The following FGF14 variants were observed in gnomAD, a reference collection of about 807,000 sequenced individuals.
FGF14 encodes the protein fibroblast growth factor 14.
Under a neutral mutation model 25.5 loss-of-function variants are expected in FGF14, and 5 were observed. That is an observed-to-expected ratio of 0.20 (90% CI 0.10 to 0.41). FGF14 has a LOEUF of 0.41. FGF14 is among the 10% of genes least tolerant of loss of function. The pLI, the probability that FGF14 is intolerant of heterozygous loss-of-function variation, is 1.00. For missense variants in FGF14, 222 were observed against 320.1 expected, an observed-to-expected ratio of 0.69 and a Z score of 2.34; for synonymous variants, 138 against 118.3, an observed-to-expected ratio of 1.17 and a Z score of -1.08.
At chr13:102,028,975 G>C (rs928856382) in intron 1 of FGF14, among the ~76,000 whole-genome samples, 1 of 151,984 alleles carries the variant, frequency 6.6e-6, no homozygotes, top group Non-Finnish European at 1.5e-5. Context: ...TAAAAATGAG[G>C]CTCAGCAGAA....
chr13:102,067,769 C>G lies in FGF14; in HGVS notation c.209-192473G>C, dbSNP rs545640855. 2.6e-5 allele frequency among the ~76,000 whole-genome samples: 4 copies of G among 151,878 alleles called. No homozygotes were observed. In the South Asian group the frequency reaches 8.3e-4, roughly 32 times the overall value. The stretch of plus-strand genomic sequence containing the variant: ...AAAAGGATAGTTACAGAGAACATCT[C>G]AAACCTAGAAAAAGTTATCAATACT... On this transcript the variant is annotated intron_variant, in intron 1 of 4. Transcript: ENST00000376131.
At chr13:101,984,183 T>G (rs1474487707) in intron 1 of FGF14, among the ~76,000 whole-genome samples, 1 of 152,166 alleles carries the variant, frequency 6.6e-6, no homozygotes, top group Non-Finnish European at 1.5e-5. Flanking sequence ...TATATTGATA[T>G]ATTGACGTCA....
intron 3 of FGF14, among the ~76,000 whole-genome samples, chr13:101,847,983 A>C (rs1367879508): frequency 4.6e-5 from 7 of 152,074 alleles, no homozygotes; most frequent in Non-Finnish European, 8.8e-5. Flanking sequence ...ATGTGGTAGG[A>C]AAGCAGGTCT....
At chr13:102,024,952 T>C (rs745806652) in intron 1 of FGF14, among the ~76,000 whole-genome samples, 27 of 151,546 alleles carry the variant, frequency 1.8e-4, no homozygotes, top group Non-Finnish European at 2.5e-4. Context: ...TATATATATA[T>C]ATACATATGT....
chr13:102,102,404 G>A (rs2044704852), intron 1 of FGF14, among the ~76,000 whole-genome samples: 1 of 152,218 alleles, frequency 6.6e-6, no homozygotes, highest in African/African-American at 2.4e-5. Context: ...TGGAAGTGCT[G>A]TTTTTGGAGA....
At chr13:102,352,277 ACACACACACAC>A (rs1378876599) in intron 1 of FGF14, among the ~76,000 whole-genome samples, 3 of 151,270 alleles carry the variant, frequency 2.0e-5, no homozygotes, top group Non-Finnish European at 4.4e-5. Context: ...ACACACACAC[ACACACACACAC>A]ACCTGCAACA....
At chr13:101,967,679 C>T (rs1239476423) in intron 1 of FGF14, 1 of 154,188 alleles carries the variant, frequency 6.5e-6, no homozygotes, top group Non-Finnish European at 1.5e-5. Context: ...TTTACCAACT[C>T]CATGATACTG....
intron 1 of FGF14, among the ~76,000 whole-genome samples, chr13:102,217,234 A>C (rs2050413166): frequency 6.6e-6 from 1 of 152,212 alleles, no homozygotes; most frequent in African/African-American, 2.4e-5. Context: ...AATTCCCAGA[A>C]AAGAAAACTT....
intron 1 of FGF14, among the ~76,000 whole-genome samples, chr13:102,318,627 G>C (rs2056125274): frequency 6.6e-6 from 1 of 152,166 alleles, no homozygotes; most frequent in Admixed American, 6.5e-5. Flanking sequence ...GTCCCTATCT[G>C]TGTATAAATT....
chr13:102,061,405 G>A lies in FGF14; in HGVS notation c.209-186109C>T, dbSNP rs890022711. On this transcript the variant is annotated intron_variant, in intron 1 of 4. Coordinates refer to the FGF14 transcript ENST00000376131. ...CCACATGTTCCTCCCAGAGGTTTGC[G>A]CGTGGGGCACAGAAGAAACGAGCCA... Among the ~76,000 whole-genome samples the A allele has an allele frequency of 8.5e-5, 13 of 152,332 alleles. No homozygotes were observed. In the South Asian group the frequency reaches 2.1e-3, roughly 24 times the overall value.
intron 3 of FGF14, among the ~76,000 whole-genome samples, chr13:101,761,504 T>C (rs1264696701): frequency 6.6e-6 from 1 of 152,168 alleles, no homozygotes; most frequent in Non-Finnish European, 1.5e-5. Context: ...CCCCTTCTAC[T>C]GTTCTGAGGC....
chr13:102,124,130 A>G (rs2045851437), intron 1 of FGF14, among the ~76,000 whole-genome samples: 1 of 152,196 alleles, frequency 6.6e-6, no homozygotes, highest in Non-Finnish European at 1.5e-5. Context: ...AAATTCTGAG[A>G]ACAAGGTAGT....
Position 102,140,747 on chromosome 13 carries a change from C to A in FGF14, c.208+260724G>T, listed in dbSNP as rs546740322. Among the ~76,000 whole-genome samples the A allele has an allele frequency of 1.2e-3, 188 of 152,240 alleles. 2 individuals are homozygous for A. Among genetic ancestry groups the A allele is most frequent in the Middle Eastern group, 3.4e-3 (1 of 294 alleles). On this transcript the variant is annotated intron_variant, in intron 1 of 4. Transcript: ENST00000376131. Reference sequence around the variant, plus strand: ...CCCTGACCCTTTAGCAGAAACTCTGCCCCCAGTACTCAATCTATAAACTGG... The same window carrying A: ...CCCTGACCCTTTAGCAGAAACTCTGACCCCAGTACTCAATCTATAAACTGG...
At chr13:102,167,794 C>CTT (rs11330328) in intron 1 of FGF14, among the ~76,000 whole-genome samples, 9 of 143,944 alleles carry the variant, frequency 6.3e-5, no homozygotes, top group African/African-American at 1.0e-4. Context: ...CATGCTAGCT[C>CTT]TTTTTTTTTT....
At chr13:102,078,471 C>T (rs1286514831) in intron 1 of FGF14, among the ~76,000 whole-genome samples, 2 of 152,132 alleles carry the variant, frequency 1.3e-5, no homozygotes, top group East Asian at 3.8e-4. Context: ...AGAGGAAAGA[C>T]TGATAAGTAA....
At chr13:102,159,779 T>A (rs899265700) in intron 1 of FGF14, among the ~76,000 whole-genome samples, 1 of 152,242 alleles carries the variant, frequency 6.6e-6, no homozygotes, top group African/African-American at 2.4e-5. Context: ...AGTGATGCTT[T>A]ATTTCCTCTT....
chr13:102,263,863 C>A (rs185460978), intron 1 of FGF14, among the ~76,000 whole-genome samples: 1 of 151,998 alleles, frequency 6.6e-6, no homozygotes, highest in Non-Finnish European at 1.5e-5. Flanking sequence ...ATGTAAGAAC[C>A]AGGGGAAAAA....
chr13:101,921,445 C>A (rs968362285), upstream of FGF14, among the ~76,000 whole-genome samples: 2 of 152,196 alleles, frequency 1.3e-5, no homozygotes, highest in African/African-American at 4.8e-5. Context: ...ATGGCAACTT[C>A]ATTCTTGTTC....
rs372909232 is a variant in FGF14, at chr13:102,397,552, C to G, written c.208+3919G>C. ...CTTAGATTATGATTTATCTTAAAAT[C>G]TGTGTTTTCCAAAATCCTACCAAGC... On this transcript the variant is annotated intron_variant, in intron 1 of 4. Coordinates refer to the FGF14 transcript ENST00000376131. 4.6e-5 allele frequency among the ~76,000 whole-genome samples: 7 copies of G among 152,262 alleles called. No homozygotes were observed. The South Asian group carries it at 1.5e-3, about 32-fold the overall frequency.
Sources: gnomAD v4.1 joint callset for allele counts (sites outside exome capture counted in the v4.1 genomes callset) on GRCh38, gnomAD v4.1.1 for gene constraint, MANE v1.5 for transcripts, NCBI Gene and HGNC (gene_info 2026-07-23, HGNC 2026-07-21) for gene names.